Variants in MYRFL observed in about 807,000 individuals in gnomAD.
MYRFL encodes the protein myelin regulatory factor-like protein.
MYRFL carries 88 observed loss-of-function variants against 109.4 expected under a neutral mutation model. The ratio of observed to expected loss-of-function variants is 0.80; its 90% CI spans 0.68 to 0.96. The LOEUF is 0.96. MYRFL is among the 40% of genes least tolerant of loss of function. The pLI, the probability that MYRFL is intolerant of heterozygous loss-of-function variation, is 0.00. For synonymous variants in MYRFL, 324 were observed against 320.9 expected (o/e 1.01, Z -0.10); for missense variants, 957 against 954.9 (o/e 1.00, Z -0.03).
chr12:69,867,201 T>C (rs1885065732), intron 2 of MYRFL, among the ~76,000 whole-genome samples: 1 of 152,204 alleles, frequency 6.6e-6, no homozygotes, highest in Non-Finnish European at 1.5e-5. Context: ...ACCCACTTGG[T>C]ACACAGTTGA....
chr12:69,859,066 T>C lies in MYRFL; in HGVS notation c.137+3696T>C, dbSNP rs532554908. 2.0e-5 allele frequency among the ~76,000 whole-genome samples: 3 copies of C among 152,164 alleles called. No homozygotes were observed. In the East Asian group the frequency reaches 5.8e-4, roughly 29 times the overall value. ...ATATATTTTTTTCAGTTCAAAATAC[T>C]TTCAAATTTCTTTTGAGAAATTTTA... On this transcript the variant is annotated intron_variant, in intron 2 of 24. Coordinates refer to ENST00000552032, the MANE Select transcript of MYRFL (RefSeq NM_182530.3).
At chr12:69,867,166 G>C (rs1054809193) in intron 2 of MYRFL, among the ~76,000 whole-genome samples, 2 of 152,180 alleles carry the variant, frequency 1.3e-5, no homozygotes, top group African/African-American at 2.4e-5. Context: ...GGTCCTCTCT[G>C]ATTTCCTAGG....
At chr12:69,900,000 T>C (rs1194432648) in intron 10 of MYRFL, among the ~76,000 whole-genome samples, 3 of 152,154 alleles carry the variant, frequency 2.0e-5, no homozygotes, top group Non-Finnish European at 4.4e-5. Flanking sequence ...TCTAAAATAC[T>C]TAATTAAACC....
chr12:69,872,497 A>G (rs958710850), intron 2 of MYRFL, among the ~76,000 whole-genome samples: 2 of 151,868 alleles, frequency 1.3e-5, no homozygotes, highest in Non-Finnish European at 2.9e-5. Context: ...CTAATCTTAA[A>G]TAAAAAAAAT....
At chr12:69,888,832 T>C (rs777072936) in intron 6 of MYRFL, among the ~76,000 whole-genome samples, 2 of 152,172 alleles carry the variant, frequency 1.3e-5, no homozygotes, top group Non-Finnish European at 2.9e-5. Flanking sequence ...GATGAACAAA[T>C]TAGCAGATTA....
At chr12:69,825,608 G>T in intron 1 of MYRFL, 45 bp downstream of exon 1, 1 of 696,042 alleles carries the variant, frequency 1.4e-6, no homozygotes, top group Non-Finnish European at 2.6e-6. Flanking sequence ...TCTGAGAAAT[G>T]CTCACTATCC....
At chr12:69,939,084 T>G (rs569336507) in intron 19 of MYRFL, among the ~76,000 whole-genome samples, 1 of 151,998 alleles carries the variant, frequency 6.6e-6, no homozygotes, top group Admixed American at 6.5e-5. Flanking sequence ...CAGTCTGAGA[T>G]CAAACTGCAA....
intron 19 of MYRFL, among the ~76,000 whole-genome samples, chr12:69,949,767 GCCTTAGA>G (rs1955931278): frequency 6.6e-6 from 1 of 151,838 alleles, no homozygotes; most frequent in Non-Finnish European, 1.5e-5. Context: ...GGACACCCCT[GCCTTAGA>G]CTTTAAGCTC....
chr12:69,901,305 T>C (rs544630175), intron 10 of MYRFL, among the ~76,000 whole-genome samples: 1 of 152,348 alleles, frequency 6.6e-6, no homozygotes, highest in Admixed American at 6.5e-5. Context: ...TGTGGCTTGC[T>C]TTCACACATG....
chr12:69,937,050 G>A (rs1167416506), intron 19 of MYRFL, among the ~76,000 whole-genome samples: 3 of 152,038 alleles, frequency 2.0e-5, no homozygotes, highest in Non-Finnish European at 4.4e-5. Context: ...TAGAGTTCAG[G>A]GTGAGATTTA....
At position 69,903,664 on chromosome 12, in the gene MYRFL, T is replaced by A. The variant is rs1954260632; in HGVS notation, c.1203T>A (p.Phe401Leu). 6 of 1,535,758 alleles carry A rather than the reference T, an allele frequency of 3.9e-6. No homozygotes were observed. Among genetic ancestry groups the A allele is most frequent in the Non-Finnish European group, 5.2e-6 (6 of 1,146,728 alleles). Residue 401 changes from phenylalanine to leucine, a missense_variant, in exon 11 of 25, where the codon TTT becomes TTA. Phe to Leu is a conservative substitution (Grantham distance 22). Coordinates refer to ENST00000552032, the MANE Select transcript of MYRFL (RefSeq NM_182530.3). ...IIVRASNPGQ[F>L]ENDSDALWQR... ...TCCAGGCCTCTAACCCTGGGCAGTT[T>A]GAAAATGACAGTGATGCATTGTGGC... is the stretch of plus-strand genomic sequence containing the variant.
At chr12:69,899,596 T>C (rs1349575257) in intron 10 of MYRFL, among the ~76,000 whole-genome samples, 1 of 152,194 alleles carries the variant, frequency 6.6e-6, no homozygotes, top group Non-Finnish European at 1.5e-5. Context: ...TTTAAGCAAA[T>C]CCAGACTTGT....
At chr12:69,929,612 G>A (rs10784809) in intron 15 of MYRFL, among the ~76,000 whole-genome samples, 110,543 of 152,172 alleles carry the variant, frequency 0.73, 40,382 homozygotes, top group Admixed American at 0.8. Flanking sequence ...TAAAGAAGCC[G>A]TGAAGGCATT....
intron 21 of MYRFL, among the ~76,000 whole-genome samples, chr12:69,954,101 T>G (rs907009610): frequency 6.6e-6 from 1 of 152,186 alleles, no homozygotes; most frequent in East Asian, 1.9e-4. Context: ...CTTGAAAAAG[T>G]TTGCCTAAGA....
intron 1 of MYRFL, among the ~76,000 whole-genome samples, chr12:69,844,526 A>G (rs2136317873): frequency 6.6e-6 from 1 of 152,286 alleles, no homozygotes; most frequent in African/African-American, 2.4e-5. Context: ...AGCCCAGTGA[A>G]GCAGTAGAAG....
intron 19 of MYRFL, among the ~76,000 whole-genome samples, chr12:69,943,053 A>G (rs1283326434): frequency 1.3e-5 from 2 of 151,204 alleles, no homozygotes; most frequent in Admixed American, 6.6e-5. Context: ...AAATGGAAGA[A>G]CATTCCATGC....
At chr12:69,906,952 C>G (rs1278978863) in intron 11 of MYRFL, among the ~76,000 whole-genome samples, 1 of 152,196 alleles carries the variant, frequency 6.6e-6, no homozygotes, top group Non-Finnish European at 1.5e-5. Context: ...TCAAAACTTT[C>G]CAAAACTTCT....
chr12:69,932,427 A>G, intron 15 of MYRFL, 86 bp from the exon 16 acceptor site: 1 of 837,328 alleles, frequency 1.2e-6, no homozygotes, highest in East Asian at 2.7e-5. Context: ...AGCAGCAAAT[A>G]CCCCTGCTGG....
At chr12:69,882,076 C>T (rs73130098) in intron 5 of MYRFL, among the ~76,000 whole-genome samples, 1 of 152,284 alleles carries the variant, frequency 6.6e-6, no homozygotes, top group Non-Finnish European at 1.5e-5. Flanking sequence ...TAAGCTCCAT[C>T]CTGCGATGGT....
Sources: allele counts gnomAD v4.1 joint callset (sites outside exome capture counted in the v4.1 genomes callset), GRCh38; gene constraint gnomAD v4.1.1; transcripts MANE v1.5; gene names NCBI Gene and HGNC (gene_info 2026-07-23, HGNC 2026-07-21).